The following AGTPBP1 variants were observed in gnomAD, a reference collection of about 807,000 sequenced individuals.
AGTPBP1 encodes cytosolic carboxypeptidase 1.
In AGTPBP1, 70 loss-of-function variants were observed where a neutral mutation model predicts 143.9. The observed-to-expected ratio is 0.49, with a 90% CI of 0.40 to 0.59. The LOEUF (loss-of-function observed/expected upper bound fraction) is 0.59, where lower values mean the gene tolerates loss of function less well. Among genes scored for constraint, AGTPBP1 ranks in the 20% least tolerant of loss-of-function variants. AGTPBP1 has a pLI of 0.00. For synonymous variants in AGTPBP1, 463 were observed against 500.2 expected, an observed-to-expected ratio of 0.93 and a Z score of 0.99; for missense variants, 1,229 against 1,464.5, an observed-to-expected ratio of 0.84 and a Z score of 2.62.
intron 25 of AGTPBP1, 76 bp from the exon 26 acceptor site, chr9:85,547,362 T>C: frequency 8.0e-7 from 1 of 1,247,128 alleles, no homozygotes; most frequent in Non-Finnish European, 1.1e-6. Flanking sequence ...TTCACCATAC[T>C]GGACTAACTT....
intron 9 of AGTPBP1, among the ~76,000 whole-genome samples, chr9:85,658,710 A>C (rs1833681687): frequency 6.6e-6 from 1 of 152,098 alleles, no homozygotes; most frequent in Non-Finnish European, 1.5e-5. Flanking sequence ...GCTAGTACAA[A>C]CCTAAAACAT....
chr9:85,801,484 C>T, the AGTPBP1 span, among the ~76,000 whole-genome samples: 7 of 151,980 alleles, frequency 4.6e-5, no homozygotes, highest in South Asian at 4.2e-4. Flanking sequence ...ATTCACTGTG[C>T]ATTGTTTGAT....
chr9:85,608,624 T>G (rs1564059865), intron 17 of AGTPBP1, among the ~76,000 whole-genome samples: 1 of 151,736 alleles, frequency 6.6e-6, no homozygotes, highest in Non-Finnish European at 1.5e-5. Context: ...TAAGCAAAGA[T>G]ATCTTCTTTG....
intron 1 of AGTPBP1, among the ~76,000 whole-genome samples, chr9:85,736,891 G>T (rs1026246605): frequency 6.6e-6 from 1 of 152,212 alleles, no homozygotes; most frequent in African/African-American, 2.4e-5. Context: ...CGGATCACAA[G>T]GTCAGGAAAT....
At chr9:85,623,928 C>A (rs1831110859) in intron 14 of AGTPBP1, among the ~76,000 whole-genome samples, 2 of 152,076 alleles carry the variant, frequency 1.3e-5, no homozygotes, top group African/African-American at 4.8e-5. Context: ...GGGACTATAA[C>A]CTCAAACTTA....
At chr9:85,730,340 C>A (rs1245011298) in intron 1 of AGTPBP1, among the ~76,000 whole-genome samples, 1 of 152,144 alleles carries the variant, frequency 6.6e-6, no homozygotes, top group Non-Finnish European at 1.5e-5. Flanking sequence ...CTTTAAATAT[C>A]TTTTTTATCT....
At chr9:85,687,919 G>A (rs369048681) in intron 3 of AGTPBP1, among the ~76,000 whole-genome samples, 10 of 151,178 alleles carry the variant, frequency 6.6e-5, no homozygotes, top group African/African-American at 2.2e-4. Flanking sequence ...GTGAAACCCC[G>A]TCTCTACTAA....
Position 85,633,191 on chromosome 9 carries a change from C to A in AGTPBP1, c.1486G>T (p.Asp496Tyr). The change falls in exon 14 of 26, where the codon GAT becomes TAT. Residue 496 changes from aspartate (D) to tyrosine (Y), a missense_variant. By Grantham distance (160) the Asp-to-Tyr change is radical. This residue lies in a region of AGTPBP1 where 743 missense variants were observed against 812.2 expected (regional missense o/e 0.91). Coordinates refer to ENST00000357081, the MANE Select transcript of AGTPBP1 (RefSeq NM_001330701.2). ...TCTTTAATATCTTCTTTTGCTAGAT[C>A]CATAAAGGTAGACTTCTTTTCACCT... The part of the protein sequence containing the change: ...DEGEKKSTFM[D>Y]LAKEDIKDND... 1 of 1,613,352 alleles carries A rather than the reference C, an allele frequency of 6.2e-7. No individual in the cohort carries two copies. The highest frequency in any genetic ancestry group is 1.1e-5 in the South Asian group (1 of 90,906).
At chr9:85,568,588 A>G (rs1337132874) in intron 25 of AGTPBP1, among the ~76,000 whole-genome samples, 1 of 152,152 alleles carries the variant, frequency 6.6e-6, no homozygotes, top group Non-Finnish European at 1.5e-5. Context: ...CACACGAGTG[A>G]CTAGTGCATG....
At chr9:85,588,238 A>G (rs1828737575) in intron 21 of AGTPBP1, 60 bp downstream of exon 21, 1 of 1,379,144 alleles carries the variant, frequency 7.3e-7, no homozygotes, top group African/African-American at 1.5e-5. Context: ...TATTTCAACA[A>G]GTTTATACAG....
chr9:85,770,947 G>A, the AGTPBP1 span, among the ~76,000 whole-genome samples: 1 of 151,976 alleles, frequency 6.6e-6, no homozygotes, highest in East Asian at 1.9e-4. Flanking sequence ...TGTATCAGTG[G>A]CAAAGATAAT....
the AGTPBP1 span, chr9:85,756,343 G>A: frequency 7.4e-6 from 10 of 1,349,976 alleles, 1 homozygote; most frequent in Middle Eastern, 2.0e-4. Context: ...AATAAGAAAT[G>A]TGTGGGAGGA....
At chr9:85,636,326 A>C (rs955649405) in intron 13 of AGTPBP1, among the ~76,000 whole-genome samples, 2 of 149,106 alleles carry the variant, frequency 1.3e-5, no homozygotes, top group Non-Finnish European at 3.0e-5. Context: ...CAGTGGCGCA[A>C]TCTCAGCTCA....
Position 85,618,999 on chromosome 9 carries a change from G to A in AGTPBP1, c.2319C>T (p.Asn773=), listed in dbSNP as rs35282248. ...RFNIINCEKS[N]SQFNYGMQPL... ...CTGTCTTACCATAATTAAACTGACT[G>A]TTGGACTTTTCACAGTTAATGATGT... Residue 773 remains asparagine (N), a synonymous_variant, in exon 17 of 26, where the codon AAC becomes AAT. Coordinates refer to ENST00000357081, the MANE Select transcript of AGTPBP1 (RefSeq NM_001330701.2). The A allele has an allele frequency of 1.4e-5, 22 of 1,613,226 alleles. No individual in the cohort carries two copies. Among genetic ancestry groups the A allele is most frequent in the Middle Eastern group, 1.6e-4 (1 of 6,074 alleles).
intron 1 of AGTPBP1, among the ~76,000 whole-genome samples, chr9:85,734,561 C>T (rs187420832): frequency 2.6e-5 from 4 of 152,256 alleles, no homozygotes; most frequent in South Asian, 4.1e-4. Flanking sequence ...GATATCACTT[C>T]GTAGCTATTA....
intron 1 of AGTPBP1, among the ~76,000 whole-genome samples, chr9:85,723,161 G>A (rs145335621): frequency 0.013 from 1,918 of 152,284 alleles, 34 homozygotes; most frequent in African/African-American, 0.043. Flanking sequence ...CAGTCTGTCC[G>A]TTCTCAGAGC....
intron 22 of AGTPBP1, 54 bp from the exon 23 acceptor site, chr9:85,585,648 G>A (rs1228374098): frequency 7.0e-6 from 10 of 1,418,980 alleles, no homozygotes; most frequent in Non-Finnish European, 9.3e-6. Context: ...ATGTTGCTAA[G>A]TAAAGGTAGT....
Position 85,674,144 on chromosome 9 carries a change from T to G in AGTPBP1, c.437-1463A>C, listed in dbSNP as rs1382026776. ...TCTTAAAAAAAAAAAAAAAAAAGAC[T>G]TAAACAAAGTAAATAGGACCAGCAA... On this transcript the variant is annotated intron_variant, in intron 6 of 25. Transcript: ENST00000357081. Among the ~76,000 whole-genome samples the G allele has an allele frequency of 2.1e-5, 3 of 143,060 alleles. No homozygotes were observed. In the South Asian group the frequency reaches 6.7e-4, roughly 32 times the overall value. The allele number at this position is 143,060 out of a possible 152,430, so 93.9% of individuals were successfully genotyped here. A position where few individuals can be genotyped will look rare whatever the true frequency, so the allele number is the denominator to read the frequency against.
At chr9:85,573,623 G>T (rs1206973388) in intron 25 of AGTPBP1, among the ~76,000 whole-genome samples, 1 of 149,942 alleles carries the variant, frequency 6.7e-6, no homozygotes, top group Non-Finnish European at 1.5e-5. Flanking sequence ...AGTGAGGAGC[G>T]TCTCTGCCCG....
Sources: allele counts gnomAD v4.1 joint callset (sites outside exome capture counted in the v4.1 genomes callset), GRCh38; gene constraint gnomAD v4.1.1; regional missense constraint gnomAD v4.1.1; transcripts MANE v1.5; gene names NCBI Gene and HGNC (gene_info 2026-07-23, HGNC 2026-07-21).